The following PIBF1 variants were observed in gnomAD, a reference collection of about 807,000 sequenced individuals.
PIBF1 encodes the protein progesterone immunomodulatory binding factor 1.
PIBF1 carries 90 observed loss-of-function variants against 112.5 expected under a neutral mutation model. The ratio of observed to expected loss-of-function variants is 0.80; its 90% CI spans 0.67 to 0.95. The LOEUF (loss-of-function observed/expected upper bound fraction) is 0.95, where lower values mean the gene tolerates loss of function less well. Among genes scored for constraint, PIBF1 ranks in the 40% least tolerant of loss-of-function variants. PIBF1 has a pLI of 0.00. For missense variants in PIBF1, 915 were observed against 852.3 expected (o/e 1.07, Z -0.92); for synonymous variants, 301 against 288.6 (o/e 1.04, Z -0.44).
chr13:72,810,789 C>G (rs1328397889), intron 5 of PIBF1, among the ~76,000 whole-genome samples: 1 of 151,674 alleles, frequency 6.6e-6, no homozygotes, highest in South Asian at 2.1e-4. Context: ...ATAAGCATTG[C>G]TTAAAATTTA....
chr13:72,861,938 G>A (rs1433974170), intron 10 of PIBF1, among the ~76,000 whole-genome samples: 1 of 152,148 alleles, frequency 6.6e-6, no homozygotes, highest in Non-Finnish European at 1.5e-5. Context: ...TAGTATTTAG[G>A]GTCAGGGGAG....
intron 10 of PIBF1, among the ~76,000 whole-genome samples, chr13:72,891,761 T>A (rs2040066580): frequency 6.6e-6 from 1 of 152,128 alleles, no homozygotes; most frequent in South Asian, 2.1e-4. Context: ...ACATAAATGT[T>A]CATGGTAGCA....
At chr13:72,978,642 C>CT (rs1182538290) in intron 16 of PIBF1, among the ~76,000 whole-genome samples, 2 of 152,038 alleles carry the variant, frequency 1.3e-5, no homozygotes, top group African/African-American at 2.4e-5. Flanking sequence ...GTGTTATAAT[C>CT]TTTTTTTTCC....
chr13:72,838,695 A>T (rs2037465725), intron 9 of PIBF1, among the ~76,000 whole-genome samples: 1 of 152,164 alleles, frequency 6.6e-6, no homozygotes, highest in Non-Finnish European at 1.5e-5. Context: ...AGCTGTTGTT[A>T]CAGGCACATA....
At chr13:72,921,900 C>G (rs1489615593) in intron 13 of PIBF1, among the ~76,000 whole-genome samples, 1 of 152,186 alleles carries the variant, frequency 6.6e-6, no homozygotes, top group Non-Finnish European at 1.5e-5. Context: ...TTTGAGTTTT[C>G]ATTTAAGACG....
chr13:72,997,539 G>T (rs1467902771), intron 16 of PIBF1, among the ~76,000 whole-genome samples: 1 of 152,106 alleles, frequency 6.6e-6, no homozygotes, highest in Non-Finnish European at 1.5e-5. Context: ...ATCTATTAAG[G>T]TTATATGGCT....
chr13:73,000,629 A>G (rs887891834), intron 17 of PIBF1, among the ~76,000 whole-genome samples: 1 of 152,224 alleles, frequency 6.6e-6, no homozygotes, highest in African/African-American at 2.4e-5. Context: ...AAATAGGGTC[A>G]GATGAAAACC....
rs758438803 is a variant in PIBF1 at position 72,854,043 on chromosome 13, T to C, written c.1224-14T>C. 8.9e-5 allele frequency: 136 copies of C among 1,533,108 alleles called. No homozygotes were observed. Among genetic ancestry groups the C allele is most frequent in the Non-Finnish European group, 3.6e-6 (4 of 1,106,948 alleles). The allele number at this position is 1,533,108 out of a possible 1,614,324, so 95.0% of individuals were successfully genotyped here. On this transcript the variant is annotated splice_polypyrimidine_tract_variant and intron_variant, in intron 9 of 17. Coordinates refer to ENST00000326291, the MANE Select transcript of PIBF1 (RefSeq NM_006346.4). ...ACGCATTTGAAATAACTGAAATCCATGTTTAAAATTTAGAAATCTCCGAGA... is the reference window on the plus strand; with the variant it reads ...ACGCATTTGAAATAACTGAAATCCACGTTTAAAATTTAGAAATCTCCGAGA...
chr13:72,789,586 C>G (rs1363053931), intron 2 of PIBF1, among the ~76,000 whole-genome samples: 1 of 152,034 alleles, frequency 6.6e-6, no homozygotes, highest in African/African-American at 2.4e-5. Flanking sequence ...CCCAGCTTGT[C>G]CTTGAGTTAA....
At chr13:72,820,552 T>C (rs1230886887) in intron 5 of PIBF1, among the ~76,000 whole-genome samples, 2 of 152,180 alleles carry the variant, frequency 1.3e-5, no homozygotes, top group African/African-American at 4.8e-5. Context: ...ATTACTTCTC[T>C]CAAATAGCCC....
intron 17 of PIBF1, among the ~76,000 whole-genome samples, chr13:73,013,851 A>G (rs1234867622): frequency 6.6e-6 from 1 of 152,174 alleles, no homozygotes; most frequent in Non-Finnish European, 1.5e-5. Context: ...GAAACAATGC[A>G]AGCAAGGAAA....
chr13:72,935,401 A>G (rs2041839510), intron 14 of PIBF1, among the ~76,000 whole-genome samples: 2 of 152,102 alleles, frequency 1.3e-5, no homozygotes, highest in Admixed American at 6.5e-5. Context: ...TTCATTACTG[A>G]GTAACATTTC....
intron 14 of PIBF1, among the ~76,000 whole-genome samples, chr13:72,947,987 C>G (rs556195288): frequency 6.6e-6 from 1 of 151,962 alleles, no homozygotes; most frequent in East Asian, 1.9e-4. Context: ...AACAGAAAAC[C>G]AAACACCACG....
intron 13 of PIBF1, among the ~76,000 whole-genome samples, chr13:72,920,616 T>G (rs1351184114): frequency 2.0e-5 from 3 of 152,262 alleles, no homozygotes; most frequent in African/African-American, 7.2e-5. Context: ...ATGTAATCCT[T>G]CACATTTGAA....
chr13:72,905,294 C>T (rs1003563655), intron 11 of PIBF1, among the ~76,000 whole-genome samples: 2 of 151,918 alleles, frequency 1.3e-5, no homozygotes, highest in African/African-American at 2.4e-5. Flanking sequence ...TCTTGAACTG[C>T]TGACCTCGTG....
chr13:72,984,519 C>A (rs1005676427), intron 16 of PIBF1, among the ~76,000 whole-genome samples: 24 of 152,082 alleles, frequency 1.6e-4, no homozygotes, highest in Non-Finnish European at 3.1e-4. Flanking sequence ...TTTTTATATT[C>A]ATTTATTTTA....
At chr13:72,922,792 T>A (rs1223320937) in intron 13 of PIBF1, among the ~76,000 whole-genome samples, 1 of 152,232 alleles carries the variant, frequency 6.6e-6, no homozygotes, top group Non-Finnish European at 1.5e-5. Flanking sequence ...CTCATTTCAT[T>A]TGGGATGGCT....
At chr13:72,981,104 G>C (rs1306908701) in intron 16 of PIBF1, among the ~76,000 whole-genome samples, 1 of 151,656 alleles carries the variant, frequency 6.6e-6, no homozygotes, top group South Asian at 2.1e-4. Flanking sequence ...AATTCGCCGG[G>C]CGTGGTGGCA....
rs368354961 is a variant in PIBF1 at position 72,792,477 on chromosome 13, G to A, written c.283G>A (p.Ala95Thr). ...IEELEEKLND[A>T]LHQKQLLTLR... ...AGAATTGGAGGAGAAACTTAATGAT[G>A]CACTTCACCAGAAGCAGCTACTAAC... The change falls in exon 3 of 18, where the codon GCA becomes ACA. Residue 95 changes from alanine to threonine, a missense_variant. By Grantham distance (58) the Ala-to-Thr change is moderately conservative. Coordinates refer to ENST00000326291, the MANE Select transcript of PIBF1 (RefSeq NM_006346.4). The A allele has an allele frequency of 2.9e-5, 45 of 1,572,822 alleles. No homozygotes were observed. In the Admixed American group the frequency reaches 2.9e-4, roughly 10 times the overall value.
Sources: allele counts gnomAD v4.1 joint callset (sites outside exome capture counted in the v4.1 genomes callset), GRCh38; gene constraint gnomAD v4.1.1; transcripts MANE v1.5; gene names NCBI Gene and HGNC (gene_info 2026-07-23, HGNC 2026-07-21).